The following SMAP1 variants were observed in gnomAD, a reference collection of about 807,000 sequenced individuals.
SMAP1 encodes stromal membrane-associated protein 1.
In SMAP1, 24 loss-of-function variants were observed where a neutral mutation model predicts 58.5. That is an observed-to-expected ratio of 0.41 (90% CI 0.30 to 0.58). The LOEUF is 0.58. Ranked by LOEUF, SMAP1 falls within the 20% of genes least tolerant of loss-of-function variation. The pLI is 0.29. For synonymous variants in SMAP1, 216 were observed against 196.6 expected, an observed-to-expected ratio of 1.10 and a Z score of -0.82; for missense variants, 563 against 566.3, an observed-to-expected ratio of 0.99 and a Z score of 0.06.
chr6:70,675,414 G>C (rs538721722), intron 1 of SMAP1, among the ~76,000 whole-genome samples: 34 of 151,890 alleles, frequency 2.2e-4, no homozygotes, highest in Middle Eastern at 3.4e-3. Flanking sequence ...ATGTTGGGAG[G>C]CCGAGGTGGG....
At chr6:70,782,294 C>G (rs915145966) in intron 4 of SMAP1, among the ~76,000 whole-genome samples, 1 of 152,184 alleles carries the variant, frequency 6.6e-6, no homozygotes, top group Non-Finnish European at 1.5e-5. Context: ...TTTCAAAGAA[C>G]AATTACTGAG....
intron 1 of SMAP1, among the ~76,000 whole-genome samples, chr6:70,708,719 T>A (rs2149835525): frequency 6.6e-6 from 1 of 152,350 alleles, no homozygotes; most frequent in Non-Finnish European, 1.5e-5. Context: ...TGACTAATGA[T>A]GTTGAGTACT....
At chr6:70,728,290 A>G (rs570333222) in intron 1 of SMAP1, among the ~76,000 whole-genome samples, 1 of 152,188 alleles carries the variant, frequency 6.6e-6, no homozygotes, top group African/African-American at 2.4e-5. Flanking sequence ...AAAATATATC[A>G]TTTCTGTTTA....
At chr6:70,827,743 A>T (rs1413465781) in intron 6 of SMAP1, among the ~76,000 whole-genome samples, 1 of 152,194 alleles carries the variant, frequency 6.6e-6, no homozygotes, top group Non-Finnish European at 1.5e-5. Flanking sequence ...AATTTGTGTA[A>T]ATCCTTGATA....
chr6:70,710,479 C>G (rs915662280), intron 1 of SMAP1, among the ~76,000 whole-genome samples: 1 of 117,852 alleles, frequency 8.5e-6, no homozygotes, highest in Non-Finnish European at 1.6e-5. Flanking sequence ...GGTGACAGAG[C>G]GAGACTCCCA....
chr6:70,732,614 A>G (rs1171428142), intron 2 of SMAP1, 103 bp downstream of exon 2: 9 of 1,021,574 alleles, frequency 8.8e-6, no homozygotes, highest in Middle Eastern at 6.6e-4. Context: ...GTAGTTTTGT[A>G]TGTTGAAATG....
chr6:70,784,263 G>C (rs1339264294), intron 4 of SMAP1, among the ~76,000 whole-genome samples: 2 of 151,932 alleles, frequency 1.3e-5, no homozygotes, highest in Non-Finnish European at 2.9e-5. Context: ...GAGAGATTTT[G>C]TCACCACCAG....
intron 6 of SMAP1, among the ~76,000 whole-genome samples, chr6:70,818,519 T>C (rs1235240369): frequency 6.6e-6 from 1 of 152,230 alleles, no homozygotes; most frequent in Non-Finnish European, 1.5e-5. Flanking sequence ...CTTTTAGGAA[T>C]TGGTATCCAG....
At position 70,748,620 on chromosome 6, in the gene SMAP1, A is replaced by G. The variant is rs147665407; in HGVS notation, c.253-6360A>G. On this transcript the variant is annotated intron_variant, in intron 2 of 10. Transcript: ENST00000370455. ...GGAGGAAGTCTCCTTTTTCTGATTC[A>G]AGTGCTGCTTGGATACCCTACTGAA... 2.6e-4 allele frequency among the ~76,000 whole-genome samples: 39 copies of G among 152,132 alleles called. No individual in the cohort carries two copies. In the East Asian group the frequency reaches 5.2e-3, roughly 20 times the overall value.
intron 6 of SMAP1, among the ~76,000 whole-genome samples, chr6:70,804,312 G>GTT (rs551493045): frequency 1.5e-5 from 2 of 136,884 alleles, no homozygotes; most frequent in Non-Finnish European, 1.6e-5. Context: ...TGCAACCCCT[G>GTT]TTTTTTTTTT....
chr6:70,825,536 C>T (rs1341147498), intron 6 of SMAP1, among the ~76,000 whole-genome samples: 7 of 151,998 alleles, frequency 4.6e-5, no homozygotes, highest in African/African-American at 1.7e-4. Flanking sequence ...GTTGGGTTTA[C>T]TGCTTTTAAA....
intron 4 of SMAP1, among the ~76,000 whole-genome samples, chr6:70,782,148 A>T (rs1767790119): frequency 6.6e-6 from 1 of 152,230 alleles, no homozygotes; most frequent in Non-Finnish European, 1.5e-5. Flanking sequence ...TCAGAGTCTT[A>T]TACTCTACAT....
chr6:70,856,680 G>A, intron 8 of SMAP1, 179 bp from the exon 9 acceptor site: 1 of 516,080 alleles, frequency 1.9e-6, no homozygotes, highest in East Asian at 3.0e-5. Context: ...GTACTGTCTT[G>A]ATTGTAGATG....
At chr6:70,671,501 C>T (rs1289546557) in intron 1 of SMAP1, among the ~76,000 whole-genome samples, 6 of 152,028 alleles carry the variant, frequency 3.9e-5, no homozygotes, top group Non-Finnish European at 8.8e-5. Flanking sequence ...ACCTGGGAGG[C>T]GGAGAGGCGG....
intron 7 of SMAP1, among the ~76,000 whole-genome samples, chr6:70,842,572 G>A (rs1302262239): frequency 6.6e-6 from 1 of 152,184 alleles, no homozygotes; most frequent in Non-Finnish European, 1.5e-5. Flanking sequence ...ACAAAGAATT[G>A]TTAGGTGTTG....
chr6:70,812,316 CAA>C (rs1209023939), intron 6 of SMAP1, among the ~76,000 whole-genome samples: 2 of 152,146 alleles, frequency 1.3e-5, no homozygotes, highest in Non-Finnish European at 2.9e-5. Flanking sequence ...ATAAGTTATC[CAA>C]AGTCAGATTT....
intron 6 of SMAP1, among the ~76,000 whole-genome samples, chr6:70,829,997 T>C (rs1440293282): frequency 2.0e-5 from 3 of 152,164 alleles, no homozygotes; most frequent in Admixed American, 1.3e-4. Flanking sequence ...CACAAAAAGA[T>C]TGGGTAGTAA....
At chr6:70,694,411 G>T in intron 1 of SMAP1, 1 of 157,470 alleles carries the variant, frequency 6.4e-6, no homozygotes, top group Non-Finnish European at 1.4e-5. Context: ...GTTTAATAAA[G>T]CTAAGCCATA....
chr6:70,824,384 T>C (rs1770024205), intron 6 of SMAP1, among the ~76,000 whole-genome samples: 1 of 152,084 alleles, frequency 6.6e-6, no homozygotes, highest in Non-Finnish European at 1.5e-5. Flanking sequence ...GTGGGCCCAG[T>C]GCAAAATGAA....
Sources: gnomAD v4.1 joint callset for allele counts (sites outside exome capture counted in the v4.1 genomes callset) on GRCh38, gnomAD v4.1.1 for gene constraint, MANE v1.5 for transcripts, NCBI Gene and HGNC (gene_info 2026-07-23, HGNC 2026-07-21) for gene names.